Variants in ROBO1 observed in about 807,000 individuals in gnomAD.
The protein encoded by ROBO1 is roundabout guidance receptor 1, also known as roundabout homolog 1.
Under a neutral mutation model 195.9 loss-of-function variants are expected in ROBO1, and 149 were observed. That is an observed-to-expected ratio of 0.76 (90% CI 0.67 to 0.87). ROBO1 has a LOEUF of 0.87. Among genes scored for constraint, ROBO1 ranks in the 40% least tolerant of loss-of-function variants. The pLI is 0.00. For missense variants in ROBO1, 1,933 were observed against 2,068.3 expected, an observed-to-expected ratio of 0.93 and a Z score of 1.27; for synonymous variants, 816 against 733.2, an observed-to-expected ratio of 1.11 and a Z score of -1.82.
chr3:79,047,879 A>G (rs947393106), intron 3 of ROBO1, among the ~76,000 whole-genome samples: 4 of 152,120 alleles, frequency 2.6e-5, no homozygotes, highest in Admixed American at 6.6e-5. Flanking sequence ...GACAAATGGT[A>G]TATTCTGTCC....
intron 3 of ROBO1, among the ~76,000 whole-genome samples, chr3:79,001,563 T>C (rs772003861): frequency 2.2e-4 from 34 of 152,292 alleles, no homozygotes; most frequent in Admixed American, 6.5e-4. Flanking sequence ...GTAAAGGTTA[T>C]ATAAATTATC....
chr3:78,832,304 A>C (rs965626346), intron 4 of ROBO1, among the ~76,000 whole-genome samples: 1 of 152,230 alleles, frequency 6.6e-6, no homozygotes, highest in Middle Eastern at 3.4e-3. Flanking sequence ...CTAAACTCAA[A>C]ATATTTTCCT....
intron 1 of ROBO1, among the ~76,000 whole-genome samples, chr3:79,642,429 A>C (rs1945693483): frequency 6.6e-6 from 1 of 152,152 alleles, no homozygotes; most frequent in Non-Finnish European, 1.5e-5. Flanking sequence ...GGAAGATCAA[A>C]GAGCACCAAA....
chr3:79,677,650 T>C (rs1023852043), intron 1 of ROBO1, among the ~76,000 whole-genome samples: 3 of 152,140 alleles, frequency 2.0e-5, no homozygotes, highest in Non-Finnish European at 2.9e-5. Flanking sequence ...GGCGAAACCA[T>C]ATCAGCATGC....
intron 17 of ROBO1, among the ~76,000 whole-genome samples, chr3:78,659,084 A>G (rs1575859644): frequency 2.0e-5 from 3 of 151,996 alleles, no homozygotes; most frequent in Admixed American, 1.3e-4. Flanking sequence ...ATAACATTCT[A>G]TTTTTCTAGA....
At chr3:79,565,607 A>G (rs1290133937) in intron 2 of ROBO1, among the ~76,000 whole-genome samples, 1 of 152,054 alleles carries the variant, frequency 6.6e-6, no homozygotes, top group Non-Finnish European at 1.5e-5. Context: ...AATAATATGA[A>G]TATAGCAAAA....
intron 1 of ROBO1, among the ~76,000 whole-genome samples, chr3:79,707,492 A>C (rs1273153972): frequency 6.6e-6 from 1 of 152,070 alleles, no homozygotes; most frequent in East Asian, 1.9e-4. Context: ...TATCACGTTT[A>C]AATTATATTT....
intron 2 of ROBO1, among the ~76,000 whole-genome samples, chr3:79,557,424 TA>T (rs1168495900): frequency 6.6e-6 from 1 of 152,054 alleles, no homozygotes; most frequent in East Asian, 1.9e-4. Context: ...ATAAAGAATT[TA>T]AGATACATAA....
chr3:78,860,220 TAAG>T (rs1332515461), intron 4 of ROBO1, among the ~76,000 whole-genome samples: 1 of 149,462 alleles, frequency 6.7e-6, no homozygotes, highest in African/African-American at 2.5e-5. Flanking sequence ...AGTGAGAAGA[TAAG>T]GAGTTTGGAT....
intron 2 of ROBO1, among the ~76,000 whole-genome samples, chr3:79,522,524 A>T (rs1941251453): frequency 6.6e-6 from 1 of 152,116 alleles, no homozygotes; most frequent in Non-Finnish European, 1.5e-5. Flanking sequence ...CACTTTGATC[A>T]CTGATTTCCA....
chr3:78,625,781 G>T (rs190493445), intron 26 of ROBO1, among the ~76,000 whole-genome samples: 204 of 152,272 alleles, frequency 1.3e-3, no homozygotes, highest in Non-Finnish European at 2.5e-3. Context: ...TACTTTCAAT[G>T]GACTGATCAA....
chr3:78,691,655 A>G (rs2081178690), intron 8 of ROBO1, among the ~76,000 whole-genome samples: 1 of 152,176 alleles, frequency 6.6e-6, no homozygotes, highest in African/African-American at 2.4e-5. Flanking sequence ...GTGTATTAAT[A>G]AGTATAGCTA....
At chr3:79,413,963 A>G (rs944512256) in intron 2 of ROBO1, among the ~76,000 whole-genome samples, 1 of 151,944 alleles carries the variant, frequency 6.6e-6, no homozygotes, top group African/African-American at 2.4e-5. Flanking sequence ...ATACCAAGAA[A>G]CTTTCCATTT....
chr3:78,700,932 T>C (rs1359122182), intron 8 of ROBO1, among the ~76,000 whole-genome samples: 1 of 152,002 alleles, frequency 6.6e-6, no homozygotes. Flanking sequence ...TCTGTCTAAT[T>C]TTTGTACTTT....
At position 79,603,865 on chromosome 3, in the gene ROBO1, G is replaced by A. The variant is rs528179640; in HGVS notation, c.-50-13904C>T. Among the ~76,000 whole-genome samples, 42 of 152,042 alleles carry A rather than the reference G, an allele frequency of 2.8e-4. No homozygotes were observed. In the South Asian group the frequency reaches 8.7e-3, roughly 32 times the overall value. On this transcript the variant is annotated intron_variant, in intron 1 of 30. Coordinates refer to ENST00000464233, the MANE Select transcript of ROBO1 (RefSeq NM_002941.4). ...AGTTCTATTAGTGTAGTGGCTGCTTGTATAGAATAATAGGGGATAAAGTAA... is the reference window on the plus strand; with the variant it reads ...AGTTCTATTAGTGTAGTGGCTGCTTATATAGAATAATAGGGGATAAAGTAA...
chr3:79,713,225 C>A (rs1319777887), intron 1 of ROBO1, among the ~76,000 whole-genome samples: 1 of 152,028 alleles, frequency 6.6e-6, no homozygotes, highest in Non-Finnish European at 1.5e-5. Flanking sequence ...TTTCTGTCTG[C>A]TAACACATTT....
chr3:79,426,524 C>T (rs2038452533), intron 2 of ROBO1, among the ~76,000 whole-genome samples: 1 of 152,106 alleles, frequency 6.6e-6, no homozygotes. Context: ...CACCCACCAT[C>T]ATGTCTGGCT....
chr3:79,193,583 T>G (rs1323089621), intron 2 of ROBO1, among the ~76,000 whole-genome samples: 2 of 137,310 alleles, frequency 1.5e-5, no homozygotes, highest in Non-Finnish European at 3.1e-5. Context: ...TGGTTTTGCT[T>G]TTTTTTTTTT....
chr3:78,953,628 G>A (rs2040899353), intron 3 of ROBO1, among the ~76,000 whole-genome samples: 1 of 151,952 alleles, frequency 6.6e-6, no homozygotes, highest in Non-Finnish European at 1.5e-5. Context: ...GGAATCAAAG[G>A]AAGAAACAGC....
Sources: gnomAD v4.1 joint callset for allele counts (sites outside exome capture counted in the v4.1 genomes callset) on GRCh38, gnomAD v4.1.1 for gene constraint, MANE v1.5 for transcripts, NCBI Gene and HGNC (gene_info 2026-07-23, HGNC 2026-07-21) for gene names.